Variants in BDNF observed in about 807,000 individuals in gnomAD.
BDNF encodes brain derived neurotrophic factor, also known as neurotrophic factor BDNF precursor form.
BDNF carries 1 observed loss-of-function variant against 19.5 expected under a neutral mutation model. The observed-to-expected ratio is 0.05, with a 90% CI of 0.02 to 0.24. The LOEUF (loss-of-function observed/expected upper bound fraction) is 0.24, where lower values mean the gene tolerates loss of function less well. Among genes scored for constraint, BDNF ranks in the 10% least tolerant of loss-of-function variants. The pLI, the probability that BDNF is intolerant of heterozygous loss-of-function variation, is 1.00. For synonymous variants in BDNF, 100 were observed against 121.6 expected (o/e 0.82, Z 1.17); for missense variants, 195 against 317.6 (o/e 0.61, Z 2.93).
chr11:27,716,508 A>G (rs1481197558), intron 1 of BDNF, among the ~76,000 whole-genome samples: 1 of 151,842 alleles, frequency 6.6e-6, no homozygotes, highest in Non-Finnish European at 1.5e-5. Context: ...CAGCAGAGAA[A>G]GACACCAGCC....
chr11:27,712,025 T>G (rs1365363192), intron 1 of BDNF, among the ~76,000 whole-genome samples: 1 of 152,192 alleles, frequency 6.6e-6, no homozygotes, highest in Non-Finnish European at 1.5e-5. Context: ...AATAGAAACA[T>G]GCTTACCATA....
rs2133767072 is a variant in BDNF, at chr11:27,656,010, GC to G, written c.*1810del. 6.6e-6 allele frequency: 1 copy of G among 152,280 alleles called. No homozygotes were observed. Among genetic ancestry groups the G allele is most frequent in the African/African-American group, 2.4e-5 (1 of 41,538 alleles). 9.4% of individuals were successfully genotyped at this position (152,280 alleles called of 1,614,324 possible). A position where few individuals can be genotyped will look rare whatever the true frequency, so the allele number is the denominator to read the frequency against. On this transcript the variant is annotated 3_prime_UTR_variant, in exon 2 of 2. Transcript: ENST00000356660. ...GCAAAATTTTGTCAGCTCTGTCCTG[GC>G]CTCTTCCATTGAGCAAGGCACCTTC...
At chr11:27,709,941 C>T (rs963104392) in intron 1 of BDNF, among the ~76,000 whole-genome samples, 11 of 152,152 alleles carry the variant, frequency 7.2e-5, no homozygotes, top group Non-Finnish European at 1.5e-4. Context: ...TAAATTTGAA[C>T]GACAAGTTTA....
At chr11:27,700,827 T>A (rs1025975483), upstream of BDNF, 2 of 1,229,644 alleles carry the variant, frequency 1.6e-6, no homozygotes, top group African/African-American at 1.5e-5. Flanking sequence ...AAACCCCGGC[T>A]GTGGGCGCTG....
intron 1 of BDNF, among the ~76,000 whole-genome samples, chr11:27,696,044 C>T (rs1858953369): frequency 6.6e-6 from 1 of 152,076 alleles, no homozygotes; most frequent in Non-Finnish European, 1.5e-5. Flanking sequence ...AATGTCAGTA[C>T]ATTAGTGAGC....
Position 27,659,652 on chromosome 11 carries a change from C to T in BDNF, c.-21-1067G>A, listed in dbSNP as rs4030469. 2.8e-3 allele frequency: 1,845 copies of T among 659,648 alleles called. 2 individuals are homozygous for T. The highest frequency in any genetic ancestry group is 6.1e-3 in the Admixed American group (78 of 12,836). The allele number at this position is 659,648 out of a possible 1,614,324, so 40.9% of individuals were successfully genotyped here. A position where few individuals can be genotyped will look rare whatever the true frequency, so the allele number is the denominator to read the frequency against. ...CTCTGTGTGTGTGTGTGTGTGTGCG[C>T]GCGCGCGTGTGCGCGCGCTCTGAGT... On this transcript the variant is annotated intron_variant, in intron 1 of 1. Transcript: ENST00000356660.
rs577404427 is a variant in BDNF at position 27,685,813 on chromosome 11, T to G, written c.-22+14351A>C. ...TTGCATTTGCTGAGGAGTGTTTTAC[T>G]TCCAATTATGTGGTCAATTTTAGAA... On this transcript the variant is annotated intron_variant, in intron 1 of 1. Transcript: ENST00000356660. 1.1e-4 allele frequency among the ~76,000 whole-genome samples: 16 copies of G among 152,340 alleles called. No individual in the cohort carries two copies. In the South Asian group the frequency reaches 2.9e-3, roughly 28 times the overall value.
intron 1 of BDNF, among the ~76,000 whole-genome samples, chr11:27,695,488 T>C (rs1396502228): frequency 1.3e-5 from 2 of 152,178 alleles, no homozygotes; most frequent in African/African-American, 2.4e-5. Flanking sequence ...AGGGTCGTCA[T>C]AAAGTTTCCG....
At chr11:27,703,213 G>T (rs549579385), upstream of BDNF, among the ~76,000 whole-genome samples, 5 of 152,216 alleles carry the variant, frequency 3.3e-5, no homozygotes, top group East Asian at 9.7e-4. Flanking sequence ...CCTCTGCGTT[G>T]GTTCCCAGGT....
intron 1 of BDNF, among the ~76,000 whole-genome samples, chr11:27,709,789 T>C (rs757573192): frequency 2.6e-5 from 4 of 152,216 alleles, no homozygotes; most frequent in Non-Finnish European, 4.4e-5. Context: ...ATCAATCAAA[T>C]GAGGTCAGTG....
chr11:27,686,792 T>A (rs1257503766), intron 1 of BDNF, among the ~76,000 whole-genome samples: 3 of 152,240 alleles, frequency 2.0e-5, no homozygotes, highest in Non-Finnish European at 2.9e-5. Flanking sequence ...TCTGATGGGC[T>A]TCCCTTTTTG....
intron 1 of BDNF, among the ~76,000 whole-genome samples, chr11:27,666,555 GA>G (rs1261318477): frequency 1.3e-5 from 2 of 152,104 alleles, no homozygotes; most frequent in Non-Finnish European, 2.9e-5. Flanking sequence ...TGGCTAACTA[GA>G]AAAAACAGCA....
rs374752426 is a variant in BDNF, at chr11:27,658,454, C to T, written c.111G>A (p.Val37=). 1.2e-5 allele frequency: 20 copies of T among 1,614,180 alleles called. 1 individual carries two copies. The South Asian group carries it at 1.8e-4, about 14-fold the overall frequency. The part of the protein sequence containing the change: ...RGQGGLAYPG[V]RTHGTLESVN... ...CGCTCTCCAGAGTCCCATGGGTCCG[C>T]ACACCTGGGTAGGCCAAGCCACCTT... is the stretch of plus-strand genomic sequence containing the variant. Residue 37 remains valine (V), a synonymous_variant, in exon 2 of 2, where the codon GTG becomes GTA. Transcript: ENST00000356660. This position sits in a 1 kb window ranked among gnomAD's most constrained non-coding sequence, Gnocchi z 5.7.
chr11:27,699,857 T>G (rs1412111464), intron 1 of BDNF, among the ~76,000 whole-genome samples: 1 of 152,122 alleles, frequency 6.6e-6, no homozygotes, highest in Non-Finnish European at 1.5e-5. Context: ...GGGGGAGGGC[T>G]GCGAGGGATC....
At chr11:27,663,285 T>C (rs1342578223) in intron 1 of BDNF, among the ~76,000 whole-genome samples, 4 of 152,254 alleles carry the variant, frequency 2.6e-5, no homozygotes, top group Non-Finnish European at 5.9e-5. Flanking sequence ...TCATTGATGC[T>C]GTCTAATTCT....
intron 1 of BDNF, among the ~76,000 whole-genome samples, chr11:27,666,790 T>G (rs1242439360): frequency 1.3e-5 from 2 of 152,182 alleles, no homozygotes; most frequent in African/African-American, 4.8e-5. Flanking sequence ...AATCTACATC[T>G]GATTGGTGTA....
At chr11:27,679,706 C>A (rs1293126822) in intron 1 of BDNF, among the ~76,000 whole-genome samples, 1 of 152,158 alleles carries the variant, frequency 6.6e-6, no homozygotes, top group African/African-American at 2.4e-5. Flanking sequence ...CTCACAAGAT[C>A]AAAAACAATT....
chr11:27,661,281 T>G lies in BDNF; in HGVS notation c.-21-2696A>C, dbSNP rs891913859. Among the ~76,000 whole-genome samples, 13 of 152,346 alleles carry G rather than the reference T, an allele frequency of 8.5e-5. 1 individual carries two copies. The highest frequency in any genetic ancestry group is 7.2e-4 in the Admixed American group (11 of 15,290). The stretch of plus-strand genomic sequence containing the variant: ...AAGTTAAGTGGGTGCAACACCAAAC[T>G]CAATACTTTTTGTTGGAACAGTGGT... On this transcript the variant is annotated intron_variant, in intron 1 of 1. Transcript: ENST00000356660.
chr11:27,697,704 T>C lies in BDNF; in HGVS notation c.-22+2460A>G, dbSNP rs978217024. 4 of 152,218 alleles carry C rather than the reference T, an allele frequency of 2.6e-5. No homozygotes were observed. In the South Asian group the frequency reaches 8.3e-4, roughly 32 times the overall value. 9.4% of individuals were successfully genotyped at this position (152,218 alleles called of 1,614,324 possible). A position where few individuals can be genotyped will look rare whatever the true frequency, so the allele number is the denominator to read the frequency against. ...AAACAGATTTCCTAAATGCTTCATT[T>C]TCTGGATGCACCAATGTTGACCTAC... On this transcript the variant is annotated intron_variant, in intron 1 of 1. Coordinates refer to ENST00000356660, the MANE Select transcript of BDNF (RefSeq NM_001709.5).
Sources: allele counts gnomAD v4.1 joint callset (sites outside exome capture counted in the v4.1 genomes callset), GRCh38; gene constraint gnomAD v4.1.1; non-coding constraint Gnocchi (gnomAD v3.1); transcripts MANE v1.5; gene names NCBI Gene and HGNC (gene_info 2026-07-23, HGNC 2026-07-21).